The following RYR2 variants were observed in gnomAD, a reference collection of about 807,000 sequenced individuals.
RYR2 encodes the protein ryanodine receptor 2.
A neutral mutation model predicts 601.1 loss-of-function variants in RYR2; 227 were observed. That is an observed-to-expected ratio of 0.38 (90% CI 0.34 to 0.42). The LOEUF is 0.42. Ranked by LOEUF, RYR2 falls within the 10% of genes least tolerant of loss-of-function variation. RYR2 has a pLI of 1.00. For synonymous variants in RYR2, 2,223 were observed against 2,175.1 expected (o/e 1.02, Z -0.61); for missense variants, 4,646 against 6,156.5 (o/e 0.75, Z 8.21).
At chr1:237,607,157 A>G (rs1677218952) in intron 35 of RYR2, among the ~76,000 whole-genome samples, 1 of 152,354 alleles carries the variant, frequency 6.6e-6, no homozygotes, top group South Asian at 2.1e-4. Context: ...TACAATATCA[A>G]AGACTTGGAA....
In RYR2 at chr1:237,640,888, T is replaced by C. The variant is rs1553264629; in HGVS notation, c.7116-9T>C. ...TTGCTTTCTCTTTCTTTTGAAACAT[T>C]CATGAAAGTGACACAGAGGAGGAGG... On this transcript the variant is annotated splice_polypyrimidine_tract_variant and intron_variant, in intron 46 of 104. Transcript: ENST00000366574. The C allele has an allele frequency of 3.7e-6, 6 of 1,608,708 alleles. No individual in the cohort carries two copies. The highest frequency in any genetic ancestry group is 5.1e-6 in the Non-Finnish European group (6 of 1,176,524).
rs559489551 is a variant in RYR2 at position 237,460,551 on chromosome 1, G to A, written c.1612+3816G>A. Among the ~76,000 whole-genome samples, 14 of 152,306 alleles carry A rather than the reference G, an allele frequency of 9.2e-5. No homozygotes were observed. In the East Asian group the frequency reaches 2.5e-3, roughly 27 times the overall value. On this transcript the variant is annotated intron_variant, in intron 16 of 104. Transcript: ENST00000366574. ...TCAGAATGCTTTTATTCACTACCTAGCACTATGCTTGAATAGAGTAGGCAG... is the reference window on the plus strand; with the variant it reads ...TCAGAATGCTTTTATTCACTACCTAACACTATGCTTGAATAGAGTAGGCAG...
chr1:237,589,757 A>G, intron 29 of RYR2, 36 bp from the exon 30 acceptor site: 1 of 1,575,154 alleles, frequency 6.3e-7, no homozygotes, highest in Non-Finnish European at 8.7e-7. Flanking sequence ...ATCATATACT[A>G]ATGGTACTAA....
intron 2 of RYR2, among the ~76,000 whole-genome samples, chr1:237,273,445 C>T (rs944618230): frequency 1.3e-5 from 2 of 152,142 alleles, no homozygotes; most frequent in African/African-American, 4.8e-5. Context: ...GGGTTGGGGA[C>T]CCCTGCCCCA....
chr1:237,580,006 T>C (rs1328224209), intron 29 of RYR2, among the ~76,000 whole-genome samples: 2 of 135,510 alleles, frequency 1.5e-5, no homozygotes, highest in Non-Finnish European at 3.2e-5. Flanking sequence ...GGGAAAACCA[T>C]GCACAGAGTC....
chr1:237,258,813 A>G lies in RYR2; in HGVS notation c.49-11684A>G, dbSNP rs115908539. On this transcript the variant is annotated intron_variant, in intron 1 of 104. Transcript: ENST00000366574. Reference sequence around the variant, plus strand: ...AATTTAGAGTTTATTGGTGCAGTATACCTGCTCAGCACTGATGGATTTCCT... The same window carrying G: ...AATTTAGAGTTTATTGGTGCAGTATGCCTGCTCAGCACTGATGGATTTCCT... Among the ~76,000 whole-genome samples, 479 of 152,344 alleles carry G rather than the reference A, an allele frequency of 3.1e-3. 1 individual carries two copies. The highest frequency in any genetic ancestry group is 4.7e-3 in the Non-Finnish European group (317 of 68,044).
chr1:237,127,486 G>A (rs1343885095), intron 1 of RYR2, among the ~76,000 whole-genome samples: 5 of 149,116 alleles, frequency 3.4e-5, no homozygotes, highest in Non-Finnish European at 6.0e-5. Context: ...CCTCCTTCCC[G>A]GACGGGGCGG....
intron 42 of RYR2, among the ~76,000 whole-genome samples, chr1:237,633,220 T>A (rs1680530813): frequency 6.6e-6 from 1 of 152,210 alleles, no homozygotes; most frequent in Non-Finnish European, 1.5e-5. Flanking sequence ...AGTATTATTA[T>A]CCATATTATT....
At chr1:237,502,422 TC>T (rs1287497865) in intron 21 of RYR2, among the ~76,000 whole-genome samples, 1 of 152,140 alleles carries the variant, frequency 6.6e-6, no homozygotes, top group East Asian at 1.9e-4. Flanking sequence ...AAAGCAGCAG[TC>T]CCCAACCTTT....
chr1:237,362,989 T>A (rs1276218672), intron 4 of RYR2, among the ~76,000 whole-genome samples: 3 of 151,962 alleles, frequency 2.0e-5, no homozygotes, highest in Non-Finnish European at 4.4e-5. Context: ...TTTTTGTTAA[T>A]ACCTACTACA....
At chr1:237,792,372 T>TGCGTGTGTGTGTGTGTGC in intron 94 of RYR2, 49 bp downstream of exon 94, 1 of 896,934 alleles carries the variant, frequency 1.1e-6, no homozygotes, top group South Asian at 1.7e-5. Context: ...TGTGTGTGTG[T>TGCGTGTGTGTGTGTGTGC]GTGTGTGTGC....
At chr1:237,173,109 T>C (rs1677601598) in intron 1 of RYR2, among the ~76,000 whole-genome samples, 1 of 151,954 alleles carries the variant, frequency 6.6e-6, no homozygotes, top group Non-Finnish European at 1.5e-5. Context: ...GAAAAAGAGG[T>C]TCAGAAAGAT....
chr1:237,102,540 G>T (rs1668229684), intron 1 of RYR2, among the ~76,000 whole-genome samples: 1 of 152,126 alleles, frequency 6.6e-6, no homozygotes, highest in African/African-American at 2.4e-5. Context: ...TTGATCAGCT[G>T]CCCTGAGAGA....
At chr1:237,237,116 T>G (rs1685625307) in intron 1 of RYR2, among the ~76,000 whole-genome samples, 1 of 152,182 alleles carries the variant, frequency 6.6e-6, no homozygotes, top group African/African-American at 2.4e-5. Context: ...CTGCTTCCCC[T>G]TCCACCATGA....
At chr1:237,742,631 C>T (rs768754982) in intron 80 of RYR2, among the ~76,000 whole-genome samples, 28 of 152,054 alleles carry the variant, frequency 1.8e-4, no homozygotes, top group Non-Finnish European at 2.9e-4. Context: ...CTCATCTCAG[C>T]GATGTGGTCT....
intron 2 of RYR2, among the ~76,000 whole-genome samples, chr1:237,315,590 T>C (rs1695030138): frequency 6.6e-6 from 1 of 152,102 alleles, no homozygotes; most frequent in Non-Finnish European, 1.5e-5. Context: ...CATGCAACAA[T>C]GAAGAATATT....
At chr1:237,195,731 T>C (rs1680490811) in intron 1 of RYR2, among the ~76,000 whole-genome samples, 1 of 152,362 alleles carries the variant, frequency 6.6e-6, no homozygotes, top group Middle Eastern at 3.4e-3. Flanking sequence ...TTGGGTTAGC[T>C]ATTTGTCCCC....
chr1:237,156,052 T>G (rs911225323), intron 1 of RYR2, among the ~76,000 whole-genome samples: 49 of 152,222 alleles, frequency 3.2e-4, no homozygotes, highest in African/African-American at 1.2e-3. Flanking sequence ...GTTAGACATT[T>G]AGGCTTCTTT....
intron 96 of RYR2, among the ~76,000 whole-genome samples, chr1:237,797,480 C>T (rs542036944): frequency 7.0e-4 from 106 of 152,272 alleles, no homozygotes; most frequent in Middle Eastern, 6.8e-3. Flanking sequence ...GGAAGGATGC[C>T]ACCCCTGTGA....
Sources: gnomAD v4.1 joint callset for allele counts (sites outside exome capture counted in the v4.1 genomes callset) on GRCh38, gnomAD v4.1.1 for gene constraint, MANE v1.5 for transcripts, NCBI Gene and HGNC (gene_info 2026-07-23, HGNC 2026-07-21) for gene names.